The following GDPD4 variants were observed in gnomAD, a reference collection of about 807,000 sequenced individuals.
GDPD4 encodes the protein glycerophosphodiester phosphodiesterase 6.
In GDPD4, 60 loss-of-function variants were observed where a neutral mutation model predicts 67.8. That is an observed-to-expected ratio of 0.88 (90% CI 0.72 to 1.10). GDPD4 has a LOEUF of 1.10. Ranked by LOEUF, GDPD4 falls within the 50% of genes least tolerant of loss-of-function variation. The pLI, the probability that GDPD4 is intolerant of heterozygous loss-of-function variation, is 0.00. For synonymous variants in GDPD4, 212 were observed against 210.9 expected, an observed-to-expected ratio of 1.00 and a Z score of -0.04; for missense variants, 623 against 613.9, an observed-to-expected ratio of 1.01 and a Z score of -0.16.
In GDPD4 at chr11:77,264,439, C is replaced by T. The variant is rs111447906; in HGVS notation, c.707+4018G>A. On this transcript the variant is annotated intron_variant, in intron 10 of 16. Transcript: ENST00000315938. ...ATCACAAATCTCAAAAATTCCAACA[C>T]TTTAAAGGCAAGAAGGGAAGAAGGA... Among the ~76,000 whole-genome samples, 509 of 152,108 alleles carry T rather than the reference C, an allele frequency of 3.3e-3. 1 individual carries two copies. The highest frequency in any genetic ancestry group is 0.011 in the African/African-American group (472 of 41,510).
At chr11:77,221,137 TCTC>T (rs1958216380) in intron 16 of GDPD4, among the ~76,000 whole-genome samples, 1 of 152,158 alleles carries the variant, frequency 6.6e-6, no homozygotes, top group African/African-American at 2.4e-5. Context: ...AATTGATTCT[TCTC>T]TATTATTCTT....
intron 13 of GDPD4, among the ~76,000 whole-genome samples, chr11:77,240,121 T>TC (rs1422400269): frequency 1.1e-5 from 1 of 94,956 alleles, no homozygotes; most frequent in African/African-American, 3.7e-5. Flanking sequence ...ATGTAATTTT[T>TC]CACAGAAATA....
chr11:77,288,016 A>G lies in GDPD4; in HGVS notation c.-253-596T>C, dbSNP rs1038497721. Among the ~76,000 whole-genome samples, 2 of 152,226 alleles carry G rather than the reference A, an allele frequency of 1.3e-5. 1 individual carries two copies. The highest frequency in any genetic ancestry group is 3.8e-4 in the East Asian group (2 of 5,202). On this transcript the variant is annotated intron_variant, in intron 1 of 16. Transcript: ENST00000315938. Reference sequence around the variant, plus strand: ...CAAAATATGTAGCATGTGGCTTCACAATGGCACTAAGAACACAGGCACCTA... The same window carrying G: ...CAAAATATGTAGCATGTGGCTTCACGATGGCACTAAGAACACAGGCACCTA...
chr11:77,285,213 C>T lies in GDPD4; in HGVS notation c.-50-26G>A. The stretch of plus-strand genomic sequence containing the variant: ...CTGGGAAAAGAAAAAAGAAATCTAA[C>T]TTAGCTCCATTTATCCTTGTTACCT... On this transcript the variant is annotated intron_variant, in intron 2 of 16. Transcript: ENST00000315938. The T allele has an allele frequency of 5.9e-6, 7 of 1,183,748 alleles. 1 individual carries two copies. Among genetic ancestry groups the T allele is most frequent in the Non-Finnish European group, 8.7e-6 (7 of 801,872 alleles). 73.3% of individuals were successfully genotyped at this position (1,183,748 alleles called of 1,614,324 possible). A position where few individuals can be genotyped will look rare whatever the true frequency, so the allele number is the denominator to read the frequency against.
intron 10 of GDPD4, among the ~76,000 whole-genome samples, chr11:77,265,032 T>C (rs183485883): frequency 1.5e-3 from 222 of 152,248 alleles, no homozygotes; most frequent in Non-Finnish European, 1.9e-3. Context: ...CAACCTTTAT[T>C]CACCACACAT....
At chr11:77,222,975 T>TTCAA (rs759758843) in intron 16 of GDPD4, among the ~76,000 whole-genome samples, 12 of 152,358 alleles carry the variant, frequency 7.9e-5, no homozygotes, top group Non-Finnish European at 1.3e-4. Flanking sequence ...TAATTTGATC[T>TTCAA]TCAATCACTG....
rs774256589 is a variant in GDPD4 at position 77,233,288 on chromosome 11, G to A, written c.1242-116C>T. 2.1e-4 allele frequency: 192 copies of A among 898,668 alleles called. 1 individual carries two copies. Among genetic ancestry groups the A allele is most frequent in the Non-Finnish European group, 2.6e-4 (148 of 564,504 alleles). 55.7% of individuals were successfully genotyped at this position (898,668 alleles called of 1,614,324 possible). ...GTTGCCTAAATCACCAGAAGCAGCT[G>A]ATCCAGGGACAATTCATGATACGAT... On this transcript the variant is annotated intron_variant, in intron 13 of 16. Transcript: ENST00000315938.
chr11:77,229,669 C>T (rs991972779), intron 14 of GDPD4, among the ~76,000 whole-genome samples: 2 of 152,222 alleles, frequency 1.3e-5, no homozygotes, highest in African/African-American at 4.8e-5. Context: ...TCTCACTAGA[C>T]ACCTAAGGAA....
chr11:77,220,688 A>G (rs548280256), intron 16 of GDPD4, among the ~76,000 whole-genome samples: 1 of 152,142 alleles, frequency 6.6e-6, no homozygotes, highest in African/African-American at 2.4e-5. Context: ...TGTCTCTGCC[A>G]GGCTTTGGTA....
chr11:77,298,852 T>C (rs1347811368), intron 1 of GDPD4, among the ~76,000 whole-genome samples: 7 of 152,118 alleles, frequency 4.6e-5, no homozygotes, highest in African/African-American at 1.7e-4. Flanking sequence ...TTTTGACTTA[T>C]ATTGTTATGC....
chr11:77,238,932 G>A (rs1480197058), intron 13 of GDPD4, among the ~76,000 whole-genome samples: 1 of 152,096 alleles, frequency 6.6e-6, no homozygotes, highest in East Asian at 1.9e-4. Context: ...GAAATCCTGA[G>A]ACATAAAAAT....
At chr11:77,231,027 G>A (rs752899530) in intron 14 of GDPD4, among the ~76,000 whole-genome samples, 5 of 152,086 alleles carry the variant, frequency 3.3e-5, no homozygotes, top group Non-Finnish European at 5.9e-5. Context: ...TTCCAGGTGC[G>A]CCTCTAGACA....
chr11:77,217,814 C>G (rs1433963747), intron 16 of GDPD4, among the ~76,000 whole-genome samples: 1 of 152,076 alleles, frequency 6.6e-6, no homozygotes, highest in Non-Finnish European at 1.5e-5. Context: ...AAGACCAATC[C>G]TTCTACCAAA....
At chr11:77,227,259 G>A (rs188017141) in intron 16 of GDPD4, among the ~76,000 whole-genome samples, 43 of 152,286 alleles carry the variant, frequency 2.8e-4, no homozygotes, top group South Asian at 4.1e-4. Context: ...GAATGAAAGC[G>A]ATAATGCCAT....
chr11:77,284,815 T>G lies in GDPD4; in HGVS notation c.53+270A>C, dbSNP rs562775155. Among the ~76,000 whole-genome samples the G allele has an allele frequency of 5.3e-5, 8 of 152,296 alleles. No individual in the cohort carries two copies. In the East Asian group the frequency reaches 1.5e-3, roughly 29 times the overall value. On this transcript the variant is annotated intron_variant, in intron 3 of 16. Coordinates refer to ENST00000315938, the MANE Select transcript of GDPD4 (RefSeq NM_182833.3). ...GGAATCATTATCTGAGTAGAAGGAC[T>G]GTGGATATTGGAAGCATGAAAGCTT...
intron 3 of GDPD4, among the ~76,000 whole-genome samples, chr11:77,282,033 CAAT>C (rs1959777003): frequency 6.6e-6 from 1 of 151,934 alleles, no homozygotes; most frequent in Non-Finnish European, 1.5e-5. Context: ...TACAAAACAA[CAAT>C]AATGTCGTAT....
chr11:77,267,838 C>T (rs1959185353), intron 10 of GDPD4, among the ~76,000 whole-genome samples: 1 of 152,042 alleles, frequency 6.6e-6, no homozygotes, highest in African/African-American at 2.4e-5. Context: ...TTCTCCTTCC[C>T]CCATCTCTGC....
At chr11:77,242,841 C>A (rs1958696490) in intron 13 of GDPD4, among the ~76,000 whole-genome samples, 1 of 152,016 alleles carries the variant, frequency 6.6e-6, no homozygotes, top group African/African-American at 2.4e-5. Context: ...CAATCCATAG[C>A]CAGAAAGGCA....
intron 10 of GDPD4, 33 bp downstream of exon 10, chr11:77,268,424 T>G (rs1319759512): frequency 6.8e-7 from 1 of 1,462,518 alleles, no homozygotes; most frequent in African/African-American, 1.4e-5. Context: ...ACTTATACCC[T>G]CCTCCCCTCA....
Sources: allele counts gnomAD v4.1 joint callset (sites outside exome capture counted in the v4.1 genomes callset), GRCh38; gene constraint gnomAD v4.1.1; transcripts MANE v1.5; gene names NCBI Gene and HGNC (gene_info 2026-07-23, HGNC 2026-07-21).